The following NLGN1 variants were observed in gnomAD, a reference collection of about 807,000 sequenced individuals.
NLGN1 encodes the protein neuroligin 1.
A neutral mutation model predicts 65.5 loss-of-function variants in NLGN1; 12 were observed. The observed-to-expected ratio is 0.18, with a 90% CI of 0.12 to 0.30. NLGN1 has a LOEUF of 0.30. Ranked by LOEUF, NLGN1 falls within the 10% of genes least tolerant of loss-of-function variation. NLGN1 has a pLI of 1.00. For synonymous variants in NLGN1, 350 were observed against 359.5 expected (o/e 0.97, Z 0.30); for missense variants, 750 against 1,007.1 (o/e 0.74, Z 3.46).
chr3:173,707,969 C>T (rs183763311), intron 3 of NLGN1, among the ~76,000 whole-genome samples: 8 of 152,320 alleles, frequency 5.3e-5, no homozygotes, highest in Admixed American at 3.9e-4. Flanking sequence ...ATGCCTTTTA[C>T]TATCATAAAT....
chr3:173,477,624 C>A (rs1191399122), intron 2 of NLGN1, among the ~76,000 whole-genome samples: 2 of 152,008 alleles, frequency 1.3e-5, no homozygotes, highest in Non-Finnish European at 2.9e-5. Flanking sequence ...AAAGGGACCT[C>A]CTGAAGGGAT....
At chr3:174,119,297 TTATATG>T (rs1280018655) in intron 4 of NLGN1, among the ~76,000 whole-genome samples, 4 of 152,152 alleles carry the variant, frequency 2.6e-5, no homozygotes, top group African/African-American at 9.7e-5. Context: ...AATAAAATCT[TTATATG>T]TAATGTATTT....
chr3:173,850,353 C>A (rs1030310522), intron 4 of NLGN1, among the ~76,000 whole-genome samples: 1 of 152,118 alleles, frequency 6.6e-6, no homozygotes, highest in African/African-American at 2.4e-5. Flanking sequence ...ACAATAACTA[C>A]CCATAGTGAT....
At chr3:173,808,006 G>A (rs1717037037) in intron 4 of NLGN1, among the ~76,000 whole-genome samples, 174 bp downstream of exon 4, 2 of 152,108 alleles carry the variant, frequency 1.3e-5, no homozygotes, top group African/African-American at 4.8e-5. Context: ...GTTTTAAGAT[G>A]TGAAACTAAA....
chr3:173,471,466 A>C (rs1042132293), intron 2 of NLGN1, among the ~76,000 whole-genome samples: 4 of 152,018 alleles, frequency 2.6e-5, no homozygotes, highest in African/African-American at 9.7e-5. Context: ...ATGGCGTTCT[A>C]TCTGTGTATG....
intron 3 of NLGN1, among the ~76,000 whole-genome samples, chr3:173,753,455 A>G (rs1378043592): frequency 3.9e-5 from 6 of 152,084 alleles, no homozygotes; most frequent in African/African-American, 1.4e-4. Flanking sequence ...CTCATACACC[A>G]TATCTAATTT....
At chr3:174,288,504 T>C (rs1252205629), downstream of NLGN1, among the ~76,000 whole-genome samples, 5 of 151,504 alleles carry the variant, frequency 3.3e-5, no homozygotes, top group Admixed American at 2.6e-4. Context: ...TCTTTTTTTT[T>C]CTTTTTATAG....
At chr3:173,807,616 A>G (rs1262344745) in intron 3 of NLGN1, 64 bp from the exon 4 acceptor site, 3 of 1,539,526 alleles carry the variant, frequency 1.9e-6, no homozygotes, top group African/African-American at 2.8e-5. Flanking sequence ...TGGAAAATGT[A>G]TTCTCTGCTT....
At chr3:173,476,938 A>C (rs757290709) in intron 2 of NLGN1, among the ~76,000 whole-genome samples, 36 of 152,142 alleles carry the variant, frequency 2.4e-4, no homozygotes, top group Non-Finnish European at 3.1e-4. Flanking sequence ...TTGTGGAAGC[A>C]ATTGAAAGGG....
chr3:173,578,646 T>C (rs1745921453), intron 2 of NLGN1, among the ~76,000 whole-genome samples: 1 of 152,192 alleles, frequency 6.6e-6, no homozygotes, highest in Non-Finnish European at 1.5e-5. Context: ...AATAAGATGG[T>C]TTCCTGATTG....
chr3:174,088,760 A>ATAAATAAG, intron 4 of NLGN1, among the ~76,000 whole-genome samples: 1 of 79,592 alleles, frequency 1.3e-5, no homozygotes, highest in Non-Finnish European at 2.6e-5. Flanking sequence ...CTCAATAAAA[A>ATAAATAAG]TAAATAAATA....
chr3:174,152,455 T>C (rs899849049), intron 4 of NLGN1, among the ~76,000 whole-genome samples: 12 of 151,830 alleles, frequency 7.9e-5, no homozygotes, highest in African/African-American at 2.9e-4. Context: ...ATGAGAACAT[T>C]TGGACACAGG....
In NLGN1 at chr3:173,545,069, G is replaced by GTTTGTTTTGT. The variant is rs58762495; in HGVS notation, c.-320-59197_-320-59188dup. Among the ~76,000 whole-genome samples, 110 of 150,722 alleles carry GTTTGTTTTGT rather than the reference G, an allele frequency of 7.3e-4. 1 individual carries two copies. Among genetic ancestry groups the GTTTGTTTTGT allele is most frequent in the African/African-American group, 2.4e-3 (100 of 40,940 alleles). ...GTGTGTGTGTGTGGTTGTTTTTTTT[G>GTTTGTTTTGT]TTTGTTTTGTTTTGTTTTGTTTGAG... On this transcript the variant is annotated intron_variant, in intron 2 of 6. Coordinates refer to ENST00000457714, the Ensembl canonical transcript of NLGN1.
chr3:174,147,483 G>A (rs182482560), intron 4 of NLGN1, among the ~76,000 whole-genome samples: 19 of 130,688 alleles, frequency 1.5e-4, no homozygotes, highest in African/African-American at 5.3e-4. Flanking sequence ...GCTCAGGCTG[G>A]AGTGCAAAAG....
At chr3:174,200,223 G>C (rs935852825) in intron 4 of NLGN1, among the ~76,000 whole-genome samples, 15 of 152,302 alleles carry the variant, frequency 9.8e-5, no homozygotes, top group African/African-American at 3.6e-4. Context: ...CAGTGCTAAT[G>C]CAAGAAGAAA....
chr3:173,926,984 G>T (rs560145080), intron 4 of NLGN1, among the ~76,000 whole-genome samples: 48 of 152,206 alleles, frequency 3.2e-4, no homozygotes, highest in African/African-American at 1.0e-3. Context: ...TGTGGCAAAT[G>T]ATTTTTTTCT....
chr3:173,489,758 C>G (rs1728792973), intron 2 of NLGN1, among the ~76,000 whole-genome samples: 1 of 151,730 alleles, frequency 6.6e-6, no homozygotes, highest in South Asian at 2.1e-4. Context: ...TGTTTCCTGA[C>G]TTTTTAATGA....
At chr3:173,457,787 A>G (rs1467689500) in intron 2 of NLGN1, among the ~76,000 whole-genome samples, 1 of 152,150 alleles carries the variant, frequency 6.6e-6, no homozygotes, top group African/African-American at 2.4e-5. Context: ...ATGATGAAAA[A>G]GAAAAGAACT....
chr3:173,612,081 A>G (rs1375458431), intron 3 of NLGN1, among the ~76,000 whole-genome samples: 1 of 151,958 alleles, frequency 6.6e-6, no homozygotes, highest in African/African-American at 2.4e-5. Context: ...TATCTCTCCT[A>G]TGAATACTCT....
Sources: allele counts gnomAD v4.1 joint callset (sites outside exome capture counted in the v4.1 genomes callset), GRCh38; gene constraint gnomAD v4.1.1; transcripts MANE v1.5; gene names NCBI Gene and HGNC (gene_info 2026-07-23, HGNC 2026-07-21).